Variants in CLSTN2 observed in about 807,000 individuals in gnomAD.
The protein encoded by CLSTN2 is calsyntenin-2.
Under a neutral mutation model 101.2 loss-of-function variants are expected in CLSTN2, and 48 were observed. The ratio of observed to expected loss-of-function variants is 0.47; its 90% CI spans 0.38 to 0.60. The LOEUF is 0.60. Ranked by LOEUF, CLSTN2 falls within the 20% of genes least tolerant of loss-of-function variation. The pLI is 0.00. For synonymous variants in CLSTN2, 481 were observed against 463.6 expected (o/e 1.04, Z -0.48); for missense variants, 1,160 against 1,238.2 (o/e 0.94, Z 0.95).
At chr3:140,062,245 C>T (rs1560083426) in intron 1 of CLSTN2, among the ~76,000 whole-genome samples, 2 of 152,290 alleles carry the variant, frequency 1.3e-5, no homozygotes, top group Non-Finnish European at 2.9e-5. Context: ...AGAAGCACCT[C>T]TTTCTGGTTC....
intron 1 of CLSTN2, among the ~76,000 whole-genome samples, chr3:140,155,928 A>G (rs565334355): frequency 8.7e-5 from 13 of 149,812 alleles, no homozygotes; most frequent in African/African-American, 2.7e-4. Context: ...AGAAGCTGAC[A>G]TTAATATCCT....
At chr3:140,007,664 T>C (rs1196004324) in intron 1 of CLSTN2, among the ~76,000 whole-genome samples, 9 of 152,134 alleles carry the variant, frequency 5.9e-5, no homozygotes. Flanking sequence ...GGAGGCTCGG[T>C]CTGGCTCTCC....
intron 2 of CLSTN2, among the ~76,000 whole-genome samples, chr3:140,257,358 C>G (rs1053739977): frequency 6.6e-6 from 1 of 151,918 alleles, no homozygotes; most frequent in Non-Finnish European, 1.5e-5. Flanking sequence ...CACAGCCTGC[C>G]CATGTAATGA....
intron 2 of CLSTN2, among the ~76,000 whole-genome samples, chr3:140,378,023 C>T (rs1170201794): frequency 6.6e-6 from 1 of 152,184 alleles, no homozygotes; most frequent in African/African-American, 2.4e-5. Context: ...CACGTAGTTA[C>T]TATTTTATTA....
At chr3:140,091,695 C>A (rs1275091455) in intron 1 of CLSTN2, among the ~76,000 whole-genome samples, 1 of 152,146 alleles carries the variant, frequency 6.6e-6, no homozygotes, top group Non-Finnish European at 1.5e-5. Context: ...TTCTGTGGTT[C>A]CTCAGGGCCA....
intron 2 of CLSTN2, among the ~76,000 whole-genome samples, chr3:140,331,344 C>T (rs1271010268): frequency 6.6e-6 from 1 of 152,154 alleles, no homozygotes; most frequent in Non-Finnish European, 1.5e-5. Context: ...GATGGTGGGG[C>T]TTCCTTGCAC....
intron 8 of CLSTN2, among the ~76,000 whole-genome samples, chr3:140,521,552 G>A (rs111584098): frequency 6.1e-4 from 93 of 152,318 alleles, no homozygotes; most frequent in African/African-American, 2.0e-3. Flanking sequence ...GCACCTATAA[G>A]AGGTGGCTGA....
intron 1 of CLSTN2, among the ~76,000 whole-genome samples, chr3:140,045,112 C>T (rs1295648485): frequency 6.6e-6 from 1 of 152,164 alleles, no homozygotes; most frequent in Non-Finnish European, 1.5e-5. Flanking sequence ...ATGGTACCAG[C>T]TCCTCCTTGT....
chr3:140,175,378 A>G (rs1399089758), intron 1 of CLSTN2, among the ~76,000 whole-genome samples: 5 of 151,084 alleles, frequency 3.3e-5, no homozygotes, highest in Non-Finnish European at 7.4e-5. Context: ...AATGATCAGA[A>G]AATATTCAAA....
intron 1 of CLSTN2, among the ~76,000 whole-genome samples, chr3:140,009,473 T>C (rs1333311786): frequency 6.6e-6 from 1 of 152,222 alleles, no homozygotes; most frequent in Non-Finnish European, 1.5e-5. Flanking sequence ...TTCAGATATA[T>C]TTATTTGCTA....
chr3:140,118,325 G>T (rs1025411373), intron 1 of CLSTN2, among the ~76,000 whole-genome samples: 1 of 152,174 alleles, frequency 6.6e-6, no homozygotes, highest in Non-Finnish European at 1.5e-5. Context: ...TGGGCCATGT[G>T]TTGGAATTGA....
intron 2 of CLSTN2, among the ~76,000 whole-genome samples, chr3:140,300,104 C>G (rs1046177515): frequency 1.3e-5 from 2 of 152,200 alleles, no homozygotes; most frequent in African/African-American, 2.4e-5. Context: ...CAGTCTCGCT[C>G]CCAATCTCCA....
chr3:139,959,149 T>C (rs1195866370), intron 1 of CLSTN2, among the ~76,000 whole-genome samples: 2 of 152,142 alleles, frequency 1.3e-5, no homozygotes, highest in African/African-American at 4.8e-5. Flanking sequence ...ACACGTCTTC[T>C]GTCTCTGCTG....
chr3:140,260,330 G>A (rs1452784517), intron 2 of CLSTN2, among the ~76,000 whole-genome samples: 2 of 151,878 alleles, frequency 1.3e-5, no homozygotes, highest in Non-Finnish European at 2.9e-5. Flanking sequence ...ACACCATTAA[G>A]TATGATATTA....
chr3:140,199,715 G>C (rs1387216854), intron 2 of CLSTN2, among the ~76,000 whole-genome samples: 1 of 152,184 alleles, frequency 6.6e-6, no homozygotes. Context: ...CAGTGGGCCT[G>C]GGGTGAGTTC....
intron 1 of CLSTN2, among the ~76,000 whole-genome samples, chr3:140,080,070 A>G (rs966429157): frequency 2.0e-5 from 3 of 152,214 alleles, no homozygotes; most frequent in Non-Finnish European, 2.9e-5. Context: ...AAAATATGTA[A>G]TGTAGATTCA....
At chr3:140,387,318 A>G (rs2088064141) in intron 2 of CLSTN2, among the ~76,000 whole-genome samples, 1 of 152,148 alleles carries the variant, frequency 6.6e-6, no homozygotes, top group South Asian at 2.1e-4. Flanking sequence ...TTCTTCTGGT[A>G]GCTATAAGAG....
intron 2 of CLSTN2, among the ~76,000 whole-genome samples, chr3:140,400,975 C>T (rs530085486): frequency 2.0e-4 from 31 of 152,356 alleles, no homozygotes; most frequent in African/African-American, 7.2e-4. Flanking sequence ...TCAGTGTACT[C>T]ATCACCATCA....
At chr3:139,974,108 TG>T (rs1935770361) in intron 1 of CLSTN2, among the ~76,000 whole-genome samples, 1 of 152,194 alleles carries the variant, frequency 6.6e-6, no homozygotes. Flanking sequence ...CAATCTTTAT[TG>T]TTCTTTTTCC....
Sources: gnomAD v4.1 joint callset for allele counts (sites outside exome capture counted in the v4.1 genomes callset) on GRCh38, gnomAD v4.1.1 for gene constraint, MANE v1.5 for transcripts, NCBI Gene and HGNC (gene_info 2026-07-23, HGNC 2026-07-21) for gene names.